Variants in ABCA9 observed in about 807,000 individuals in gnomAD.
The protein encoded by ABCA9 is ATP-binding cassette sub-family A member 9.
ABCA9 carries 183 observed loss-of-function variants against 205.3 expected under a neutral mutation model. The ratio of observed to expected loss-of-function variants is 0.89; its 90% CI spans 0.79 to 1.01. ABCA9 has a LOEUF of 1.01. Among genes scored for constraint, ABCA9 ranks in the 50% least tolerant of loss-of-function variants. The pLI, the probability that ABCA9 is intolerant of heterozygous loss-of-function variation, is 0.00. For missense variants in ABCA9, 1,805 were observed against 1,912.4 expected, an observed-to-expected ratio of 0.94 and a Z score of 1.05; for synonymous variants, 651 against 683.3, an observed-to-expected ratio of 0.95 and a Z score of 0.74.
chr17:69,026,668 C>T (rs1177768029), intron 15 of ABCA9, among the ~76,000 whole-genome samples: 2 of 152,070 alleles, frequency 1.3e-5, no homozygotes, highest in South Asian at 2.1e-4. Context: ...TATTCTTTAG[C>T]GTATTGAGAA....
At chr17:69,011,749 A>G (rs2070383435) in intron 23 of ABCA9, 1 of 411,736 alleles carries the variant, frequency 2.4e-6, no homozygotes, top group African/African-American at 2.1e-5. Flanking sequence ...GAAAGTTGTC[A>G]TTCCCTGTTA....
At chr17:69,004,467 G>A (rs376191539) in intron 25 of ABCA9, among the ~76,000 whole-genome samples, 1 of 150,620 alleles carries the variant, frequency 6.6e-6, no homozygotes, top group African/African-American at 2.5e-5. Context: ...CAGTCTGCCC[G>A]TTCTCAGATC....
rs776280022 is a variant in ABCA9 at position 69,028,645 on chromosome 17, C to A, written c.1505G>T (p.Gly502Val). The change falls in exon 12 of 39, where the codon GGT becomes GTT. Residue 502 changes from glycine to valine, a missense_variant and splice_region_variant. Gly to Val is a moderately radical substitution (Grantham distance 109, BLOSUM62 -3). Coordinates refer to ENST00000340001, the MANE Select transcript of ABCA9 (RefSeq NM_080283.4). ...GCCTTCATATATGTCAAACACCACA[C>A]CTGGCATGATTTTAAAAAAAATTAC... ...GKCERVEALKGVVFDIYEGQI... is the reference protein window; with the variant it reads ...GKCERVEALKVVVFDIYEGQI... The A allele has an allele frequency of 6.4e-7, 1 of 1,554,074 alleles. No homozygotes were observed. The highest frequency in any genetic ancestry group is 8.7e-7 in the Non-Finnish European group (1 of 1,149,412).
rs759026165 is a variant in ABCA9, at chr17:69,028,590, TC to T, written c.1559del (p.Gly520GlufsTer8). ...TGTTTAACAGGGTAGTTTTTCCAGC[TC>T]CACTGTGACCAAGGAGGGCAGTGAT... ...GQITALLGHS[G>X]AGKTTLLNIL... is the part of the protein sequence containing the mutation. On this transcript the variant is annotated frameshift_variant, in exon 12 of 39. Coordinates refer to ENST00000340001, the MANE Select transcript of ABCA9 (RefSeq NM_080283.4). LOFTEE classifies it high-confidence loss of function. The T allele has an allele frequency of 3.7e-6, 6 of 1,610,992 alleles. No individual in the cohort carries two copies. In the East Asian group the frequency reaches 1.3e-4, roughly 36 times the overall value.
the ABCA9 span, among the ~76,000 whole-genome samples, chr17:69,072,950 C>T: frequency 6.6e-6 from 1 of 152,122 alleles, no homozygotes; most frequent in African/African-American, 2.4e-5. Context: ...GGTTGCAATC[C>T]TAGTCTCTGA....
intron 1 of ABCA9, among the ~76,000 whole-genome samples, chr17:69,053,132 T>C (rs1279858320): frequency 1.3e-5 from 2 of 152,198 alleles, no homozygotes; most frequent in Non-Finnish European, 2.9e-5. Context: ...TCATTGGCCA[T>C]TGGAGATTAA....
intron 3 of ABCA9, among the ~76,000 whole-genome samples, chr17:69,046,912 T>TATATAG (rs2071734122): frequency 8.2e-6 from 1 of 121,734 alleles, no homozygotes; most frequent in South Asian, 2.7e-4. Flanking sequence ...TATATATATA[T>TATATAG]AAAATTTTAT....
At chr17:69,061,133 G>C (rs986962642), upstream of ABCA9, 14 of 985,360 alleles carry the variant, frequency 1.4e-5, no homozygotes, top group African/African-American at 2.3e-4. Flanking sequence ...CAGGGAGTTT[G>C]TAGTTGCAGA....
At chr17:69,061,336 T>TTATA (rs72559414), upstream of ABCA9, among the ~76,000 whole-genome samples, 3 of 150,512 alleles carry the variant, frequency 2.0e-5, no homozygotes, top group African/African-American at 7.3e-5. Context: ...AATATATATG[T>TTATA]TATATATATA....
rs1376513529 is a variant in ABCA9 at position 69,018,462 on chromosome 17, T to C, written c.2718A>G (p.Gly906=). 1 of 1,607,484 alleles carries C rather than the reference T, an allele frequency of 6.2e-7. No individual in the cohort carries two copies. Residue 906 remains glycine, a synonymous_variant, in exon 20 of 39, where the codon GGA becomes GGG. Transcript: ENST00000340001. The part of the protein sequence containing the change: ...LSPNTYFLSP[G]QQPQDPLTHL... ...GGGTCAGAGGATCCTGTGGTTGTTG[T>C]CCTGGTGAGAGGAAGTATGTATTTG...
At chr17:69,041,204 C>T (rs1203478693) in intron 6 of ABCA9, among the ~76,000 whole-genome samples, 1 of 152,128 alleles carries the variant, frequency 6.6e-6, no homozygotes, top group East Asian at 1.9e-4. Flanking sequence ...TAATAACTCC[C>T]TTTGCACAGT....
Position 69,012,190 on chromosome 17 carries a change from G to A in ABCA9, c.3040-107C>T, listed in dbSNP as rs1054900703. 4 of 767,666 alleles carry A rather than the reference G, an allele frequency of 5.2e-6. No individual in the cohort carries two copies. The African/African-American group carries it at 5.4e-5, about 10-fold the overall frequency. The allele number at this position is 767,666 out of a possible 1,614,324, so 47.6% of individuals were successfully genotyped here. A position where few individuals can be genotyped will look rare whatever the true frequency, so the allele number is the denominator to read the frequency against. ...AAATGAATTGAGCTGATCACTCAAA[G>A]TGCTTCTCAAGGTCCTATATGCAAC... is the stretch of plus-strand genomic sequence containing the variant. On this transcript the variant is annotated intron_variant, in intron 22 of 38. Coordinates refer to ENST00000340001, the MANE Select transcript of ABCA9 (RefSeq NM_080283.4).
chr17:69,021,937 T>A (rs1429392765), intron 17 of ABCA9, 76 bp from the exon 18 acceptor site: 2 of 1,205,948 alleles, frequency 1.7e-6, no homozygotes, highest in East Asian at 2.7e-5. Context: ...ATGTAAAATA[T>A]TGGTAATAGG....
chr17:69,015,736 T>C (rs975503432), intron 22 of ABCA9, among the ~76,000 whole-genome samples: 1 of 152,122 alleles, frequency 6.6e-6, no homozygotes. Flanking sequence ...ACTTTTGTGA[T>C]AAAGTCTTTA....
intron 3 of ABCA9, among the ~76,000 whole-genome samples, chr17:69,046,881 A>C (rs1567971207): frequency 5.0e-5 from 1 of 19,874 alleles, no homozygotes; most frequent in Non-Finnish European, 1.2e-4. Context: ...TATACTATAT[A>C]TATATATATA....
At chr17:69,031,598 T>C (rs1007528633) in intron 10 of ABCA9, among the ~76,000 whole-genome samples, 1 of 152,188 alleles carries the variant, frequency 6.6e-6, no homozygotes, top group African/African-American at 2.4e-5. Context: ...AGAGGGAAGA[T>C]AGGCATGAAA....
chr17:68,992,138 C>G (rs1011596241), intron 28 of ABCA9, 37 bp downstream of exon 28: 15 of 1,412,372 alleles, frequency 1.1e-5, no homozygotes, highest in African/African-American at 8.6e-5. Flanking sequence ...GAATGAATAT[C>G]AAAATGAAAC....
At chr17:69,016,523 T>A in intron 21 of ABCA9, 133 bp from the exon 22 acceptor site, 1 of 746,150 alleles carries the variant, frequency 1.3e-6, no homozygotes, top group Non-Finnish European at 2.0e-6. Flanking sequence ...TTAATATCAC[T>A]ATCACTCATA....
intron 25 of ABCA9, among the ~76,000 whole-genome samples, chr17:69,001,130 G>A (rs990467636): frequency 5.9e-5 from 9 of 151,300 alleles, no homozygotes; most frequent in African/African-American, 1.9e-4. Context: ...CTGCCTAATT[G>A]CCCTGGCCAG....
Sources: gnomAD v4.1 joint callset for allele counts (sites outside exome capture counted in the v4.1 genomes callset) on GRCh38, gnomAD v4.1.1 for gene constraint, MANE v1.5 for transcripts, NCBI Gene and HGNC (gene_info 2026-07-23, HGNC 2026-07-21) for gene names.